The following MCCC2 variants were observed in gnomAD, a reference collection of about 807,000 sequenced individuals.
MCCC2 encodes methylcrotonoyl-CoA carboxylase beta chain, mitochondrial.
In MCCC2, 52 loss-of-function variants were observed where a neutral mutation model predicts 77.2. The observed-to-expected ratio is 0.67, with a 90% confidence interval of 0.54 to 0.85. MCCC2 has a LOEUF of 0.85. Ranked by LOEUF, MCCC2 falls within the 40% of genes least tolerant of loss-of-function variation. The pLI, the probability that MCCC2 is intolerant of heterozygous loss-of-function variation, is 0.00. For missense variants in MCCC2, 682 were observed against 703.2 expected (o/e 0.97, Z 0.34); for synonymous variants, 253 against 248.4 (o/e 1.02, Z -0.18).
At position 71,635,134 on chromosome 5, in the gene MCCC2, G is replaced by A. The variant is rs758105373; in HGVS notation, c.904-17G>A. Reference sequence around the variant, plus strand: ...ATCATGTCTTTAAACAGGTTAACATGATCTATATTTCTGCAGGTCACCATT... The same window carrying A: ...ATCATGTCTTTAAACAGGTTAACATAATCTATATTTCTGCAGGTCACCATT... On this transcript the variant is annotated splice_polypyrimidine_tract_variant and intron_variant, in intron 9 of 16. Transcript: ENST00000340941. 9.9e-6 allele frequency: 16 copies of A among 1,613,630 alleles called. No homozygotes were observed. Among genetic ancestry groups the A allele is most frequent in the Non-Finnish European group, 1.1e-5 (13 of 1,179,700 alleles).
intron 12 of MCCC2, 26 bp downstream of exon 12, chr5:71,643,921 G>C: frequency 6.2e-7 from 1 of 1,613,220 alleles, no homozygotes; most frequent in South Asian, 1.1e-5. Flanking sequence ...AATATTTCAA[G>C]ATTTTCTGTT....
intron 2 of MCCC2, among the ~76,000 whole-genome samples, chr5:71,595,689 C>T (rs1745159299): frequency 6.6e-6 from 1 of 152,140 alleles, no homozygotes; most frequent in Non-Finnish European, 1.5e-5. Context: ...CCAGTGGGCT[C>T]TTCAGTTATA....
intron 8 of MCCC2, among the ~76,000 whole-genome samples, chr5:71,632,903 T>A (rs143012301): frequency 3.8e-4 from 58 of 152,154 alleles, no homozygotes; most frequent in Admixed American, 7.2e-4. Context: ...CAGAAGTCAA[T>A]GAGATACAAT....
At chr5:71,594,548 T>C in intron 2 of MCCC2, among the ~76,000 whole-genome samples, 1 of 109,000 alleles carries the variant, frequency 9.2e-6, no homozygotes, top group Admixed American at 9.3e-5. Context: ...AAAAAAGAGG[T>C]GGGTTTGACT....
At chr5:71,650,305 C>T (rs1580332571) in intron 15 of MCCC2, 122 bp downstream of exon 15, 2 of 754,336 alleles carry the variant, frequency 2.7e-6, no homozygotes. Flanking sequence ...CGCACACTGC[C>T]TGGCCATATT....
intron 16 of MCCC2, among the ~76,000 whole-genome samples, chr5:71,655,105 A>G (rs569562972): frequency 3.7e-4 from 57 of 152,348 alleles, no homozygotes; most frequent in South Asian, 1.5e-3. Context: ...AAGTACTGGG[A>G]TTACAGGCAT....
intron 10 of MCCC2, chr5:71,636,207 T>G (rs1412930785): frequency 3.2e-6 from 1 of 313,578 alleles, no homozygotes; most frequent in Non-Finnish European, 6.6e-6. Context: ...CATTGATGGA[T>G]ATAATGTTCT....
chr5:71,635,651 A>G (rs1399783545), intron 10 of MCCC2: 2 of 345,994 alleles, frequency 5.8e-6, no homozygotes, highest in African/African-American at 4.3e-5. Flanking sequence ...TTAGATCAAT[A>G]TGACATTTGC....
chr5:71,643,965 A>G lies in MCCC2; in HGVS notation c.1149+70A>G. 1.9e-6 allele frequency: 3 copies of G among 1,597,994 alleles called. No homozygotes were observed. In the South Asian group the frequency reaches 3.3e-5, roughly 18 times the overall value. ...ACATAACGTTGAAGGTCAAATAATG[A>G]GTTAAAATTTATTGCATAAAAATGC... On this transcript the variant is annotated intron_variant, in intron 12 of 16. Coordinates refer to ENST00000340941, the MANE Select transcript of MCCC2 (RefSeq NM_022132.5).
At chr5:71,617,755 T>C (rs1219024098) in intron 6 of MCCC2, among the ~76,000 whole-genome samples, 1 of 152,210 alleles carries the variant, frequency 6.6e-6, no homozygotes, top group Non-Finnish European at 1.5e-5. Flanking sequence ...CCAAGGTTGG[T>C]TTTTATTTAA....
At position 71,649,147 on chromosome 5, in the gene MCCC2, GC is replaced by G. The variant is rs1167809186; in HGVS notation, c.1269del (p.Lys424ArgfsTer14). Reference protein sequence around the residue: ...YEAEGIAKDGAKMVAAVACAQ... With the variant: ...YEAEGIAKDGXKMVAAVACAQ... ...AGCTGAAGGAATTGCCAAGGATGGT[GC>G]CAAGATGGTGGCCGCTGTGGCCTGT... On this transcript the variant is annotated frameshift_variant, in exon 14 of 17. Transcript: ENST00000340941. LOFTEE classifies it high-confidence loss of function. The G allele has an allele frequency of 2.5e-6, 4 of 1,614,130 alleles. No individual in the cohort carries two copies. Among genetic ancestry groups the G allele is most frequent in the Non-Finnish European group, 3.4e-6 (4 of 1,180,052 alleles).
rs1280198951 is a variant in MCCC2, at chr5:71,639,119, AT to A, written c.1000-1881del. ...CATTTATAGAGCACAGGCAGAGTAG[AT>A]TTAGGATAATTCTGCAACTTAAAGT... On this transcript the variant is annotated intron_variant, in intron 10 of 16. Coordinates refer to ENST00000340941, the MANE Select transcript of MCCC2 (RefSeq NM_022132.5). 3.9e-5 allele frequency among the ~76,000 whole-genome samples: 6 copies of A among 152,346 alleles called. No individual in the cohort carries two copies. The South Asian group carries it at 1.0e-3, about 26-fold the overall frequency.
At position 71,639,062 on chromosome 5, in the gene MCCC2, A is replaced by G. The variant is rs187842947; in HGVS notation, c.1000-1941A>G. On this transcript the variant is annotated intron_variant, in intron 10 of 16. Coordinates refer to ENST00000340941, the MANE Select transcript of MCCC2 (RefSeq NM_022132.5). ...AAAAATTCATTAAACCATGCCACAA[A>G]TACGTATGCTGTCATCCAGGGTTTG... Among the ~76,000 whole-genome samples the G allele has an allele frequency of 3.8e-4, 58 of 152,312 alleles. 1 individual carries two copies. Among genetic ancestry groups the G allele is most frequent in the African/African-American group, 1.3e-3 (53 of 41,568 alleles).
chr5:71,641,820 G>A (rs1747130191), intron 11 of MCCC2, among the ~76,000 whole-genome samples: 1 of 152,172 alleles, frequency 6.6e-6, no homozygotes, highest in African/African-American at 2.4e-5. Context: ...AATCCAAATT[G>A]CAAATATACA....
Position 71,632,197 on chromosome 5 carries a change from A to C in MCCC2, c.803+12A>C, listed in dbSNP as rs755578069. ...GATCTTCATTGCAGGTGAAACAGAA[A>C]TGGTTGTTTCTTTCCGGGATTGAGT... is the stretch of plus-strand genomic sequence containing the variant. On this transcript the variant is annotated intron_variant, in intron 8 of 16. Coordinates refer to ENST00000340941, the MANE Select transcript of MCCC2 (RefSeq NM_022132.5). 5 of 1,613,458 alleles carry C rather than the reference A, an allele frequency of 3.1e-6. No individual in the cohort carries two copies. In the East Asian group the frequency reaches 1.1e-4, roughly 36 times the overall value.
chr5:71,615,160 G>A (rs993329244), intron 6 of MCCC2, among the ~76,000 whole-genome samples: 2 of 152,186 alleles, frequency 1.3e-5, no homozygotes, highest in African/African-American at 4.8e-5. Flanking sequence ...ATAGAGATGA[G>A]GTTTCCATAT....
At chr5:71,648,432 A>G (rs188840397) in intron 13 of MCCC2, among the ~76,000 whole-genome samples, 1 of 152,262 alleles carries the variant, frequency 6.6e-6, no homozygotes, top group Admixed American at 6.5e-5. Context: ...ATGGAAAAAT[A>G]GTTTTTTTTT....
intron 11 of MCCC2, among the ~76,000 whole-genome samples, chr5:71,641,581 G>C (rs913252892): frequency 6.6e-6 from 1 of 152,092 alleles, no homozygotes; most frequent in Middle Eastern, 3.2e-3. Context: ...AGTATATCAC[G>C]TCAGGAAAAA....
chr5:71,638,812 C>T (rs760417138), intron 10 of MCCC2, among the ~76,000 whole-genome samples: 20 of 152,188 alleles, frequency 1.3e-4, no homozygotes, highest in African/African-American at 3.1e-4. Flanking sequence ...TGAGCCACCA[C>T]GCCCGGCCCA....
Sources: allele counts gnomAD v4.1 joint callset (sites outside exome capture counted in the v4.1 genomes callset), GRCh38; gene constraint gnomAD v4.1.1; transcripts MANE v1.5; gene names NCBI Gene and HGNC (gene_info 2026-07-23, HGNC 2026-07-21).